The following CCL24 variants were observed in gnomAD, a reference collection of about 807,000 sequenced individuals.
The protein encoded by CCL24 is C-C motif chemokine 24.
Under a neutral mutation model 8.6 loss-of-function variants are expected in CCL24, and 6 were observed. The observed-to-expected ratio is 0.70, with a 90% CI of 0.38 to 1.38. The LOEUF is 1.38. Ranked by LOEUF, CCL24 falls within the 40% of genes most tolerant of loss-of-function variation. The pLI is 0.02. For synonymous variants in CCL24, 59 were observed against 52.7 expected (o/e 1.12, Z -0.52); for missense variants, 126 against 147.1 (o/e 0.86, Z 0.74).
At chr7:75,816,542 T>C (rs1296635681), upstream of CCL24, among the ~76,000 whole-genome samples, 2 of 151,536 alleles carry the variant, frequency 1.3e-5, no homozygotes, top group African/African-American at 4.9e-5. Context: ...GAGGTTTTTT[T>C]CTTTAAAATT....
intron 1 of CCL24, among the ~76,000 whole-genome samples, chr7:75,820,942 T>A (rs1554535031): frequency 6.6e-6 from 1 of 151,606 alleles, no homozygotes; most frequent in African/African-American, 2.4e-5. Context: ...CATCCATCCA[T>A]CCATCCATCC....
upstream of CCL24, among the ~76,000 whole-genome samples, chr7:75,816,583 AC>A (rs1296285711): frequency 1.3e-5 from 2 of 150,326 alleles, no homozygotes; most frequent in African/African-American, 4.9e-5. Context: ...TATTTTTGAT[AC>A]GGAGTCTCTC....
At chr7:75,816,861 CA>C (rs57957590), upstream of CCL24, among the ~76,000 whole-genome samples, 10,743 of 98,236 alleles carry the variant, frequency 0.11, 561 homozygotes, top group Middle Eastern at 0.21. Context: ...TGCACCTGGC[CA>C]AAAAAAAAAA....
At chr7:75,821,558 A>C (rs548363960) in intron 1 of CCL24, among the ~76,000 whole-genome samples, 1 of 152,128 alleles carries the variant, frequency 6.6e-6, no homozygotes, top group Non-Finnish European at 1.5e-5. Context: ...AACAGTCTGC[A>C]GGGGCTGTGG....
chr7:75,822,845 A>G (rs35576122), intron 1 of CCL24, among the ~76,000 whole-genome samples: 15,218 of 152,158 alleles, frequency 0.1, 881 homozygotes, highest in South Asian at 0.16. Context: ...GAAAAAAAAG[A>G]AAAGAAAACT....
chr7:75,820,028 C>A (rs1318277055), intron 1 of CCL24, among the ~76,000 whole-genome samples: 4 of 113,308 alleles, frequency 3.5e-5, no homozygotes, highest in African/African-American at 1.3e-4. Flanking sequence ...ACTTCTTCTT[C>A]TTCTTCTTCT....
chr7:75,819,301 A>C (rs868990918), intron 1 of CCL24, among the ~76,000 whole-genome samples: 3 of 8,266 alleles, frequency 3.6e-4, no homozygotes, highest in African/African-American at 1.1e-3. Flanking sequence ...AAAAAAAAAA[A>C]AAATATATAT....
Position 75,811,880 on chromosome 7 carries a change from C to T in CCL24, c.276G>A (p.Lys92=), listed in dbSNP as rs570959258. 2.0e-5 allele frequency: 33 copies of T among 1,611,942 alleles called. 1 individual carries two copies. In the South Asian group the frequency reaches 3.2e-4, roughly 16 times the overall value. The change falls in exon 3 of 3, where the codon AAG becomes AAA. Residue 92 remains lysine, a synonymous_variant. Transcript: ENST00000222902. ...TGGCCCTAGGGGAAGCCTTCTTCTG[C>T]TTGGCGTCCAGGTTCTTCATGTACC... ...VQRYMKNLDA[K]QKKASPRARA...
intron 1 of CCL24, among the ~76,000 whole-genome samples, chr7:75,823,060 C>A (rs1804081892): frequency 6.6e-6 from 1 of 152,296 alleles, no homozygotes; most frequent in East Asian, 1.9e-4. Context: ...TCACGGCCAC[C>A]AGCTTTGCAC....
At chr7:75,818,159 G>A (rs1193886910), upstream of CCL24, among the ~76,000 whole-genome samples, 1 of 152,074 alleles carries the variant, frequency 6.6e-6, no homozygotes, top group African/African-American at 2.4e-5. Context: ...GCTCTATACA[G>A]GGAAATTGTT....
At position 75,821,635 on chromosome 7, in the gene CCL24, A is replaced by G. The variant is rs868926704; in HGVS notation, c.-60+1687T>C. Among the ~76,000 whole-genome samples, 257 of 152,172 alleles carry G rather than the reference A, an allele frequency of 1.7e-3. 4 individuals carry two copies. The highest frequency in any genetic ancestry group is 0.01 in the Middle Eastern group (3 of 294). ...AGGTAGGGAGAGGTCTGGATGTCCA[A>G]TAAATTATCAGAACAAGGGAGGGGC... On this transcript the variant is annotated intron_variant, in intron 1 of 3. Transcript: ENST00000416943.
At chr7:75,814,903 C>A (rs1221119288), upstream of CCL24, among the ~76,000 whole-genome samples, 1 of 151,970 alleles carries the variant, frequency 6.6e-6, no homozygotes, top group African/African-American at 2.4e-5. Context: ...CCGCGCCGAC[C>A]AGATTCCCAG....
At chr7:75,820,855 C>CCATCTATCTATCCATCCACT (rs1563354392) in intron 1 of CCL24, among the ~76,000 whole-genome samples, 1 of 151,610 alleles carries the variant, frequency 6.6e-6, no homozygotes, top group African/African-American at 2.4e-5. Context: ...ATCCCTCCAC[C>CCATCTATCTATCCATCCACT]CATCTATCTA....
chr7:75,814,681 G>A (rs1380106794), upstream of CCL24, among the ~76,000 whole-genome samples: 1 of 149,338 alleles, frequency 6.7e-6, no homozygotes, highest in Non-Finnish European at 1.5e-5. Context: ...AGTCCCAACA[G>A]CCATCGCCTG....
intron 1 of CCL24, among the ~76,000 whole-genome samples, chr7:75,820,840 C>CCTCCACCCATCT (rs1554535001): frequency 6.6e-6 from 1 of 151,630 alleles, no homozygotes. Flanking sequence ...TCCATCCATC[C>CCTCCACCCATCT]ATCCATCCCT....
At chr7:75,813,569 G>A in intron 1 of CCL24, 74 bp downstream of exon 1, 7 of 1,394,980 alleles carry the variant, frequency 5.0e-6, no homozygotes, top group Non-Finnish European at 7.1e-6. Flanking sequence ...CCAGCCCCAG[G>A]CTGGTCAGTC....
At chr7:75,819,290 AAAAAAAAAAAAAAATATATATATATAT>A (rs1311637518) in intron 1 of CCL24, among the ~76,000 whole-genome samples, 8 of 28,966 alleles carry the variant, frequency 2.8e-4, no homozygotes, top group Non-Finnish European at 5.3e-4. Flanking sequence ...AAAAAAAAAA[AAAAAAAAAAAAAAATATATATATATAT>A]ATATATATAT....
chr7:75,812,251 AT>A (rs1348626887), intron 2 of CCL24, among the ~76,000 whole-genome samples: 7 of 151,382 alleles, frequency 4.6e-5, no homozygotes, highest in African/African-American at 7.3e-5. Context: ...TGCCCAGCTA[AT>A]TTTTTTTATT....
chr7:75,819,327 TA>T, intron 1 of CCL24, among the ~76,000 whole-genome samples: 1 of 76,262 alleles, frequency 1.3e-5, no homozygotes, highest in African/African-American at 5.0e-5. Context: ...TATATATATA[TA>T]TATATATATT....
Sources: allele counts gnomAD v4.1 joint callset (sites outside exome capture counted in the v4.1 genomes callset), GRCh38; gene constraint gnomAD v4.1.1; transcripts MANE v1.5; gene names NCBI Gene and HGNC (gene_info 2026-07-23, HGNC 2026-07-21).